Variants in HELLS observed in about 807,000 individuals in gnomAD.
HELLS encodes helicase, lymphoid specific, also known as lymphoid-specific helicase.
HELLS carries 32 observed loss-of-function variants against 120.0 expected under a neutral mutation model. The observed-to-expected ratio is 0.27, with a 90% CI of 0.20 to 0.36. The LOEUF (loss-of-function observed/expected upper bound fraction) is 0.36. Ranked by LOEUF, HELLS falls within the 10% of genes least tolerant of loss-of-function variation. The probability of loss-of-function intolerance (pLI) is 1.00; values close to 1 mark genes in which losing one functional copy is unlikely to be tolerated. For synonymous variants in HELLS, 341 were observed against 323.4 expected (o/e 1.05, Z -0.58); for missense variants, 650 against 993.4 (o/e 0.65, Z 4.65).
downstream of HELLS, among the ~76,000 whole-genome samples, chr10:94,603,117 G>A (rs1846084266): frequency 6.6e-6 from 1 of 152,150 alleles, no homozygotes; most frequent in African/African-American, 2.4e-5. Flanking sequence ...ATTATATACT[G>A]CGGATATATT....
chr10:94,597,263 A>C, intron 21 of HELLS, 152 bp downstream of exon 21: 1 of 528,662 alleles, frequency 1.9e-6, no homozygotes, highest in Non-Finnish European at 3.3e-6. Context: ...CAAATCTCAG[A>C]CATGACATTT....
At chr10:94,578,070 C>CAA (rs58732872) in intron 10 of HELLS, among the ~76,000 whole-genome samples, 69 of 60,832 alleles carry the variant, frequency 1.1e-3, no homozygotes, top group Middle Eastern at 0.017. Flanking sequence ...GACTCCGTCT[C>CAA]AAAAAAAAAA....
In HELLS at chr10:94,562,889, G is replaced by A; in HGVS notation, c.435+13G>A. 4 of 1,490,328 alleles carry A rather than the reference G, an allele frequency of 2.7e-6. No homozygotes were observed. In the East Asian group the frequency reaches 9.1e-5, roughly 34 times the overall value. The allele number at this position is 1,490,328 out of a possible 1,614,324, so 92.3% of individuals were successfully genotyped here. A position where few individuals can be genotyped will look rare whatever the true frequency, so the allele number is the denominator to read the frequency against. Reference sequence around the variant, plus strand: ...CATGTCAAAAGAGGTAAAAATAAAAGGGAGAGGGCACCTAACATTTGATGT... The same window carrying A: ...CATGTCAAAAGAGGTAAAAATAAAAAGGAGAGGGCACCTAACATTTGATGT... On this transcript the variant is annotated intron_variant, in intron 6 of 21. Transcript: ENST00000348459.
chr10:94,572,666 T>A (rs1298804483), intron 7 of HELLS, among the ~76,000 whole-genome samples: 2 of 152,348 alleles, frequency 1.3e-5, no homozygotes, highest in East Asian at 3.9e-4. Context: ...TGTGTAGACA[T>A]GTTTTCATAC....
chr10:94,589,772 C>T (rs1414789227), intron 13 of HELLS, among the ~76,000 whole-genome samples: 7 of 149,566 alleles, frequency 4.7e-5, no homozygotes, highest in East Asian at 2.0e-4. Flanking sequence ...CTGCAAGCTC[C>T]GCCTCCCGGG....
chr10:94,554,644 G>GTTTTTTTTTTTTTTT (rs199878580), intron 3 of HELLS, among the ~76,000 whole-genome samples: 2 of 103,072 alleles, frequency 1.9e-5, no homozygotes, highest in African/African-American at 3.9e-5. Flanking sequence ...AAGTAATAGT[G>GTTTTTTTTTTTTTTT]TTTTTTTTTT....
At position 94,601,300 on chromosome 10, in the gene HELLS, G is replaced by A. The variant is rs559371694; in HGVS notation, c.2423-228G>A. The stretch of plus-strand genomic sequence containing the variant: ...GACTAGCAAACTGATGCTTTAGATT[G>A]TATGCTCCCAAGAGTCTGATTCTAG... On this transcript the variant is annotated intron_variant, in intron 21 of 21. Transcript: ENST00000348459. Among the ~76,000 whole-genome samples the A allele has an allele frequency of 1.4e-4, 22 of 152,206 alleles. No homozygotes were observed. In the South Asian group the frequency reaches 4.6e-3, roughly 32 times the overall value.
chr10:94,567,272 C>T, intron 6 of HELLS, among the ~76,000 whole-genome samples: 1 of 152,078 alleles, frequency 6.6e-6, no homozygotes, highest in East Asian at 1.9e-4. Context: ...TCCAGTCTTT[C>T]TAGATTGCCC....
chr10:94,583,703 TTG>T (rs1376620952), intron 12 of HELLS, among the ~76,000 whole-genome samples: 2 of 152,184 alleles, frequency 1.3e-5, no homozygotes, highest in Non-Finnish European at 2.9e-5. Context: ...TTTTCTGTCT[TTG>T]TGTAAACACG....
intron 6 of HELLS, among the ~76,000 whole-genome samples, chr10:94,564,385 C>T (rs1158103249): frequency 2.6e-5 from 4 of 152,140 alleles, no homozygotes; most frequent in Non-Finnish European, 4.4e-5. Flanking sequence ...TGAGCCTGGC[C>T]TAGTCAGAAA....
chr10:94,571,525 C>G, intron 7 of HELLS, 96 bp downstream of exon 7: 2 of 983,514 alleles, frequency 2.0e-6, no homozygotes, highest in South Asian at 3.6e-5. Context: ...GTTCTTCTCA[C>G]TATTATCCTG....
At position 94,601,744 on chromosome 10, in the gene HELLS, T is replaced by G. The variant is rs540648817; in HGVS notation, c.*122T>G. 1 of 539,262 alleles carries G rather than the reference T, an allele frequency of 1.9e-6. No homozygotes were observed. Among genetic ancestry groups the G allele is most frequent in the African/African-American group, 1.9e-5 (1 of 51,636 alleles). 33.4% of individuals were successfully genotyped at this position (539,262 alleles called of 1,614,324 possible). A position where few individuals can be genotyped will look rare whatever the true frequency, so the allele number is the denominator to read the frequency against. The stretch of plus-strand genomic sequence containing the variant: ...ATTATATCAGTTGACATGTAACTAG[T>G]ACCATGCGTACTTAAATAGATGGTA... On this transcript the variant is annotated 3_prime_UTR_variant, in exon 22 of 22. Coordinates refer to ENST00000348459, the MANE Select transcript of HELLS (RefSeq NM_018063.5).
At chr10:94,580,427 C>G (rs1844812436) in intron 10 of HELLS, among the ~76,000 whole-genome samples, 2 of 151,908 alleles carry the variant, frequency 1.3e-5, no homozygotes, top group Non-Finnish European at 2.9e-5. Context: ...GGTAATGCGT[C>G]TGCCTCGGCC....
At chr10:94,557,246 C>T (rs1455437319) in intron 3 of HELLS, 1 of 343,482 alleles carries the variant, frequency 2.9e-6, no homozygotes, top group South Asian at 2.2e-5. Context: ...TCCCCATCAC[C>T]CACATTTAAA....
At chr10:94,576,627 T>C in intron 9 of HELLS, 35 bp from the exon 10 acceptor site, 1 of 1,277,498 alleles carries the variant, frequency 7.8e-7, no homozygotes, top group Non-Finnish European at 1.1e-6. Context: ...CATTTTGTTC[T>C]TAAGTCTGAT....
At chr10:94,551,904 T>A (rs1241022636) in intron 2 of HELLS, among the ~76,000 whole-genome samples, 1 of 152,004 alleles carries the variant, frequency 6.6e-6, no homozygotes, top group Admixed American at 6.6e-5. Context: ...CACACGCGGC[T>A]AATTTTTTGT....
rs144657635 is a variant in HELLS at position 94,593,516 on chromosome 10, G to T, written c.1989G>T (p.Thr663=). The stretch of plus-strand genomic sequence containing the variant: ...GCTTTTAGATGCACAGCTTCAACAC[G>T]GATCCAGAGGTGTTTATCTTCTTAG... The part of the protein sequence containing the change: ...EREKNMHSFN[T]DPEVFIFLVS... The change falls in exon 18 of 22, where the codon ACG becomes ACT. Residue 663 remains threonine (T), a synonymous_variant. Transcript: ENST00000348459. 1.9e-6 allele frequency: 3 copies of T among 1,611,810 alleles called. No individual in the cohort carries two copies. The highest frequency in any genetic ancestry group is 2.5e-6 in the Non-Finnish European group (3 of 1,177,984).
Position 94,590,763 on chromosome 10 carries a change from C to T in HELLS, c.1754C>T (p.Thr585Ile). Residue 585 changes from threonine (T) to isoleucine (I), a missense_variant, in exon 15 of 22, where the codon ACA (threonine) becomes ATA (isoleucine). Physicochemically the swap from Thr to Ile is moderately conservative, Grantham distance 89. This residue lies in a region of HELLS where 191 missense variants were observed against 259.7 expected (regional missense o/e 0.74). Coordinates refer to ENST00000348459, the MANE Select transcript of HELLS (RefSeq NM_018063.5). ...ATTGAATATCCTATAGACCCTGTTA[C>T]ACAAGAATTTAAGGTGAATACTGTT... ...YLIEYPIDPV[T>I]QEFKIDEELV... The T allele has an allele frequency of 6.6e-7, 1 of 1,523,574 alleles. No homozygotes were observed. Among genetic ancestry groups the T allele is most frequent in the Non-Finnish European group, 9.0e-7 (1 of 1,113,748 alleles). The allele number at this position is 1,523,574 out of a possible 1,614,324, so 94.4% of individuals were successfully genotyped here. A position where few individuals can be genotyped will look rare whatever the true frequency, so the allele number is the denominator to read the frequency against.
chr10:94,604,763 G>A (rs1003604416), downstream of HELLS, among the ~76,000 whole-genome samples: 1 of 151,998 alleles, frequency 6.6e-6, no homozygotes, highest in Non-Finnish European at 1.5e-5. Context: ...GGAATATGCT[G>A]TGATTTTATT....
Sources: gnomAD v4.1 joint callset for allele counts (sites outside exome capture counted in the v4.1 genomes callset) on GRCh38, gnomAD v4.1.1 for gene constraint, gnomAD v4.1.1 regional missense constraint, MANE v1.5 for transcripts, NCBI Gene and HGNC (gene_info 2026-07-23, HGNC 2026-07-21) for gene names.